TMIGD2: variants seen among roughly 807,000 people sequenced by gnomAD.
The protein encoded by TMIGD2 is transmembrane and immunoglobulin domain containing 2, also known as transmembrane and immunoglobulin domain-containing protein 2.
In TMIGD2, 18 loss-of-function variants were observed where a neutral mutation model predicts 22.6. The ratio of observed to expected loss-of-function variants is 0.80; its 90% CI spans 0.55 to 1.18. TMIGD2 has a LOEUF of 1.18. Among genes scored for constraint, TMIGD2 ranks in the 50% most tolerant of loss-of-function variants. The probability of loss-of-function intolerance (pLI) is 0.00; values close to 1 mark genes in which losing one functional copy is unlikely to be tolerated. For missense variants in TMIGD2, 361 were observed against 378.2 expected (o/e 0.95, Z 0.38); for synonymous variants, 184 against 154.1 (o/e 1.19, Z -1.44).
chr19:4,292,641 C>T lies in TMIGD2; in HGVS notation c.807G>A (p.Gln269=), dbSNP rs927308320. 2.0e-5 allele frequency: 32 copies of T among 1,612,438 alleles called. No homozygotes were observed. In the African/African-American group the frequency reaches 3.3e-4, roughly 17 times the overall value. ...TGGGGAACCCTTTTGGCCTCGGCTG[C>T]TGGGTGGGGCTTGGTCTAGGAGAGA... The change falls in exon 5 of 5, where the codon CAG becomes CAA. Residue 269 remains glutamine (Q), a synonymous_variant. Coordinates refer to ENST00000301272, the Ensembl canonical transcript of TMIGD2.
rs1307452392 is a variant in TMIGD2, at chr19:4,292,892, T to C, written c.563-7A>G. 6.2e-7 allele frequency: 1 copy of C among 1,613,082 alleles called. No homozygotes were observed. The stretch of plus-strand genomic sequence containing the variant: ...TTGCTGTAGAATGCATTTCCTAGGA[T>C]GGATGACACAGACCAAGAGGATCAC... On this transcript the variant is annotated splice_polypyrimidine_tract_variant and splice_region_variant and intron_variant, in intron 4 of 4. Transcript: ENST00000301272.
At chr19:4,297,866 A>G in intron 2 of TMIGD2, 120 bp downstream of exon 2, 1 of 1,367,114 alleles carries the variant, frequency 7.3e-7, no homozygotes, top group Non-Finnish European at 9.6e-7. Flanking sequence ...CTTAAAAAAA[A>G]AAAAAAAAGT....
At position 4,297,109 on chromosome 19, in the gene TMIGD2, C is replaced by A. The variant is rs147178289; in HGVS notation, c.406+877G>T. Among the ~76,000 whole-genome samples, 1,144 of 121,404 alleles carry A rather than the reference C, an allele frequency of 9.4e-3. 22 individuals carry two copies. The highest frequency in any genetic ancestry group is 0.033 in the African/African-American group (1,051 of 31,772). 79.6% of individuals were successfully genotyped at this position (121,404 alleles called of 152,430 possible). ...TTTTTTTTTTTGAGACAGAGTCTTG[C>A]TCTGTAGCCCAGGCTGGAGTGCAGT... On this transcript the variant is annotated intron_variant, in intron 2 of 4. Coordinates refer to ENST00000301272, the Ensembl canonical transcript of TMIGD2.
At chr19:4,298,149 G>A (rs200688197) in exon 2 of TMIGD2, 19 of 1,613,382 alleles carry the variant, frequency 1.2e-5, no homozygotes, top group African/African-American at 9.3e-5. Context: ...CCTGGGGCCC[G>A]CAGACCCCCA....
Position 4,302,039 on chromosome 19 carries a change from CAG to C in TMIGD2, c.46+299_46+300del, listed in dbSNP as rs753145562. ...AGATCCAGCCTTCCCATTGCGGAAA[CAG>C]AGAAAGAAAAGTCCCCAGGCTAGAG... is the stretch of plus-strand genomic sequence containing the variant. On this transcript the variant is annotated intron_variant, in intron 1 of 4. Coordinates refer to ENST00000301272, the Ensembl canonical transcript of TMIGD2. Among the ~76,000 whole-genome samples, 14 of 152,222 alleles carry C rather than the reference CAG, an allele frequency of 9.2e-5. No homozygotes were observed. In the East Asian group the frequency reaches 2.3e-3, roughly 25 times the overall value.
At chr19:4,293,163 C>CCG (rs1287122013) in intron 4 of TMIGD2, among the ~76,000 whole-genome samples, 38 of 151,776 alleles carry the variant, frequency 2.5e-4, no homozygotes, top group Admixed American at 1.2e-3. Context: ...CGGGGTTTCA[C>CCG]TGTTAGCCAG....
exon 1 of TMIGD2, chr19:4,302,353 C>T (rs2144746734): frequency 6.4e-7 from 1 of 1,574,452 alleles, no homozygotes; most frequent in Non-Finnish European, 8.6e-7. Context: ...AGATCTGCAC[C>T]AGGAGGCCCA....
chr19:4,297,930 C>T, intron 2 of TMIGD2, 56 bp downstream of exon 2: 1 of 1,494,784 alleles, frequency 6.7e-7, no homozygotes, highest in Non-Finnish European at 8.9e-7. Flanking sequence ...ACTCAAAAGT[C>T]TTAAGATTCT....
chr19:4,293,089 A>G (rs554542210), intron 4 of TMIGD2, among the ~76,000 whole-genome samples: 95 of 149,332 alleles, frequency 6.4e-4, no homozygotes, highest in African/African-American at 1.8e-3. Flanking sequence ...TCAGCCTCCC[A>G]ACTAGCTGGG....
chr19:4,292,541 T>TC lies in TMIGD2; in HGVS notation c.*57dup, dbSNP rs1375888359. 2.0e-5 allele frequency: 30 copies of TC among 1,535,940 alleles called. No homozygotes were observed. The Admixed American group carries it at 4.7e-4, about 24-fold the overall frequency. On this transcript the variant is annotated 3_prime_UTR_variant, in exon 5 of 5. Coordinates refer to ENST00000301272, the Ensembl canonical transcript of TMIGD2. ...CGTGAGCCACCGTGTCTGGCCTCGA[T>TC]CCCCCCTTTTTTGTGTGTACCTATG...
At chr19:4,297,323 C>T (rs1325450161) in intron 2 of TMIGD2, among the ~76,000 whole-genome samples, 1 of 151,904 alleles carries the variant, frequency 6.6e-6, no homozygotes, top group Non-Finnish European at 1.5e-5. Context: ...CCCACCTTGG[C>T]CTTCCAAAGT....
At chr19:4,296,094 T>C (rs920471268) in intron 2 of TMIGD2, among the ~76,000 whole-genome samples, 5 of 152,118 alleles carry the variant, frequency 3.3e-5, no homozygotes, top group Non-Finnish European at 7.4e-5. Context: ...AATTTTAGAA[T>C]TTCTTGTAGA....
intron 2 of TMIGD2, among the ~76,000 whole-genome samples, chr19:4,295,598 G>C (rs538927104): frequency 8.4e-4 from 128 of 151,936 alleles, no homozygotes; most frequent in African/African-American, 3.0e-3. Flanking sequence ...TCCCTGTCTT[G>C]TTGGGTCATT....
At position 4,298,181 on chromosome 19, in the gene TMIGD2, T is replaced by C. The variant is rs1195087642; in HGVS notation, c.211A>G (p.Ile71Val). 1.2e-6 allele frequency: 2 copies of C among 1,613,332 alleles called. No homozygotes were observed. The highest frequency in any genetic ancestry group is 2.7e-5 in the African/African-American group (2 of 74,914). The change falls in exon 2 of 5, where the codon ATC becomes GTC. Residue 71 changes from isoleucine to valine, a missense_variant. By Grantham distance (29) the Ile-to-Val change is conservative. Coordinates refer to ENST00000301272, the Ensembl canonical transcript of TMIGD2. Reference sequence around the variant, plus strand: ...CCCAGGCTGAGGCTGCCGTTGGTGATGTACGGTTGACACAGGATGGCCCCA... The same window carrying C: ...CCCAGGCTGAGGCTGCCGTTGGTGACGTACGGTTGACACAGGATGGCCCCA...
chr19:4,300,024 GC>G (rs1230038671), intron 1 of TMIGD2, among the ~76,000 whole-genome samples: 2 of 152,106 alleles, frequency 1.3e-5, no homozygotes. Flanking sequence ...ACTTTGGGAG[GC>G]CGAGGCGGGT....
intron 1 of TMIGD2, among the ~76,000 whole-genome samples, chr19:4,299,882 T>C (rs896105990): frequency 6.6e-6 from 1 of 150,516 alleles, no homozygotes; most frequent in Non-Finnish European, 1.5e-5. Flanking sequence ...CGAGACTCCA[T>C]AGCAAAGAAA....
At chr19:4,294,314 C>T (rs1311308463) in intron 4 of TMIGD2, among the ~76,000 whole-genome samples, 1 of 152,150 alleles carries the variant, frequency 6.6e-6, no homozygotes. Context: ...CTCGGCCTCC[C>T]AAAATGCTGG....
exon 5 of TMIGD2, chr19:4,292,553 T>A (rs762446672): frequency 2.5e-6 from 4 of 1,574,308 alleles, no homozygotes; most frequent in Middle Eastern, 1.9e-4. Context: ...CCCCCTTTTT[T>A]GTGTGTACCT....
At chr19:4,297,770 G>A (rs1971479854) in intron 2 of TMIGD2, among the ~76,000 whole-genome samples, 2 of 151,614 alleles carry the variant, frequency 1.3e-5, no homozygotes, top group South Asian at 2.1e-4. Flanking sequence ...CGGGAGAATC[G>A]CTTGAACCTA....
Sources: allele counts gnomAD v4.1 joint callset (sites outside exome capture counted in the v4.1 genomes callset), GRCh38; gene constraint gnomAD v4.1.1; transcripts MANE v1.5; gene names NCBI Gene and HGNC (gene_info 2026-07-23, HGNC 2026-07-21).